The following DENND1B variants were observed in gnomAD, a reference collection of about 807,000 sequenced individuals.
DENND1B encodes the protein DENN domain-containing protein 1B.
DENND1B carries 59 observed loss-of-function variants against 90.1 expected under a neutral mutation model. That is an observed-to-expected ratio of 0.65 (90% CI 0.53 to 0.81). The LOEUF is 0.81. Among genes scored for constraint, DENND1B ranks in the 40% least tolerant of loss-of-function variants. The pLI, the probability that DENND1B is intolerant of heterozygous loss-of-function variation, is 0.00. For synonymous variants in DENND1B, 337 were observed against 324.6 expected (o/e 1.04, Z -0.41); for missense variants, 862 against 912.6 (o/e 0.94, Z 0.71).
chr1:197,639,291 T>C (rs1011989478), intron 10 of DENND1B, among the ~76,000 whole-genome samples: 1 of 152,166 alleles, frequency 6.6e-6, no homozygotes, highest in Non-Finnish European at 1.5e-5. Flanking sequence ...CTCGAACTCC[T>C]GACCTCAGGT....
chr1:197,546,019 C>T (rs1449372782), intron 17 of DENND1B, 29 bp from the exon 18 acceptor site: 4 of 1,567,468 alleles, frequency 2.6e-6, no homozygotes, highest in Non-Finnish European at 3.4e-6. Flanking sequence ...AACATATTTC[C>T]AAAAACTTTT....
chr1:197,759,908 A>G (rs1424140517), intron 2 of DENND1B, among the ~76,000 whole-genome samples: 1 of 152,160 alleles, frequency 6.6e-6, no homozygotes, highest in Non-Finnish European at 1.5e-5. Flanking sequence ...AAATCCCTTA[A>G]CAGCAATACA....
intron 15 of DENND1B, among the ~76,000 whole-genome samples, chr1:197,568,891 T>C (rs941121126): frequency 2.0e-4 from 31 of 152,098 alleles, no homozygotes; most frequent in African/African-American, 6.0e-4. Context: ...TTCTCAACAC[T>C]GGTCTGAGCA....
chr1:197,753,914 C>T (rs912262784), intron 2 of DENND1B, among the ~76,000 whole-genome samples: 4 of 151,926 alleles, frequency 2.6e-5, no homozygotes, highest in Non-Finnish European at 5.9e-5. Flanking sequence ...ACAGAAGAAT[C>T]GCTTAAACCC....
At position 197,507,542 on chromosome 1, in the gene DENND1B, T is replaced by C. The variant is rs1667786082; in HGVS notation, c.*2918A>G. The C allele has an allele frequency of 6.6e-6, 1 of 151,236 alleles. No homozygotes were observed. The allele number at this position is 151,236 out of a possible 1,614,324, so 9.4% of individuals were successfully genotyped here. ...AAGGGTAAAAAGAAAAAAGTGAGAGTGGGATTCAGAAAGAACCATGACTCC... is the reference window on the plus strand; with the variant it reads ...AAGGGTAAAAAGAAAAAAGTGAGAGCGGGATTCAGAAAGAACCATGACTCC... On this transcript the variant is annotated 3_prime_UTR_variant, in exon 23 of 23. Transcript: ENST00000620048.
At chr1:197,568,185 T>C (rs1465325809) in intron 15 of DENND1B, among the ~76,000 whole-genome samples, 2 of 151,996 alleles carry the variant, frequency 1.3e-5, no homozygotes, top group African/African-American at 4.8e-5. Flanking sequence ...AATCAACGTA[T>C]TAAAAAGTAG....
intron 20 of DENND1B, among the ~76,000 whole-genome samples, chr1:197,538,855 C>T (rs1478551612): frequency 1.3e-5 from 2 of 151,844 alleles, no homozygotes; most frequent in African/African-American, 4.8e-5. Flanking sequence ...GTTCCACCCT[C>T]TTGGGTGGGA....
intron 3 of DENND1B, among the ~76,000 whole-genome samples, chr1:197,692,058 A>G (rs1446117794): frequency 6.6e-6 from 1 of 151,828 alleles, no homozygotes; most frequent in Admixed American, 6.6e-5. Context: ...CTGTGCTTAT[A>G]GTTAACAATA....
At chr1:197,527,829 T>C (rs940358518) in intron 20 of DENND1B, among the ~76,000 whole-genome samples, 5 of 152,194 alleles carry the variant, frequency 3.3e-5, no homozygotes, top group Non-Finnish European at 5.9e-5. Context: ...CAATCACTTT[T>C]TTTTTGGTCA....
intron 20 of DENND1B, among the ~76,000 whole-genome samples, chr1:197,528,888 T>C (rs1669347127): frequency 6.6e-6 from 1 of 151,784 alleles, no homozygotes; most frequent in Admixed American, 6.6e-5. Flanking sequence ...TATTTGTGCA[T>C]TCAAAAGATA....
chr1:197,679,008 A>G (rs1384324812), intron 3 of DENND1B, among the ~76,000 whole-genome samples: 1 of 152,110 alleles, frequency 6.6e-6, no homozygotes, highest in Non-Finnish European at 1.5e-5. Flanking sequence ...AAAGCACTCT[A>G]AGTCTGTGAA....
chr1:197,512,807 T>C, intron 21 of DENND1B, 64 bp downstream of exon 21: 2 of 1,492,450 alleles, frequency 1.3e-6, no homozygotes, highest in Non-Finnish European at 9.3e-7. Context: ...AAATACCCTT[T>C]ATCACCAAAA....
intron 3 of DENND1B, among the ~76,000 whole-genome samples, chr1:197,707,731 T>A (rs1414077390): frequency 6.7e-6 from 1 of 148,650 alleles, no homozygotes; most frequent in Admixed American, 6.7e-5. Flanking sequence ...GGAGCCAAGA[T>A]GGCCGAATAG....
chr1:197,511,992 T>C (rs767018452), intron 21 of DENND1B, 48 bp from the exon 22 acceptor site: 1 of 1,404,150 alleles, frequency 7.1e-7, no homozygotes, highest in Non-Finnish European at 9.8e-7. Context: ...CCATATTTGC[T>C]GCATGTAAGT....
At chr1:197,583,286 T>A in intron 14 of DENND1B, 33 bp from the exon 15 acceptor site, 1 of 1,601,062 alleles carries the variant, frequency 6.2e-7, no homozygotes, top group South Asian at 1.1e-5. Context: ...AGGGCATCAA[T>A]AAAAGGTTAG....
intron 1 of DENND1B, among the ~76,000 whole-genome samples, chr1:197,774,223 C>G (rs1656982936): frequency 1.3e-5 from 2 of 152,268 alleles, no homozygotes; most frequent in South Asian, 2.1e-4. Flanking sequence ...TTCCCTCTTT[C>G]CCTAATATTC....
At chr1:197,569,507 T>C (rs951260192) in intron 15 of DENND1B, among the ~76,000 whole-genome samples, 1 of 151,618 alleles carries the variant, frequency 6.6e-6, no homozygotes, top group African/African-American at 2.4e-5. Flanking sequence ...CAATAACAAA[T>C]ATATGAATCA....
chr1:197,664,028 CAG>C (rs903901953), intron 5 of DENND1B, among the ~76,000 whole-genome samples: 25 of 151,294 alleles, frequency 1.7e-4, no homozygotes, highest in Admixed American at 2.0e-4. Context: ...CACACACACA[CAG>C]AGAGAGAGAT....
intron 10 of DENND1B, among the ~76,000 whole-genome samples, chr1:197,635,151 C>G (rs1679671210): frequency 6.6e-6 from 1 of 152,168 alleles, no homozygotes; most frequent in Admixed American, 6.5e-5. Context: ...GGATACATTT[C>G]TACTTGACAA....
Sources: allele counts gnomAD v4.1 joint callset (sites outside exome capture counted in the v4.1 genomes callset), GRCh38; gene constraint gnomAD v4.1.1; transcripts MANE v1.5; gene names NCBI Gene and HGNC (gene_info 2026-07-23, HGNC 2026-07-21).